POT1: variants seen among roughly 807,000 people sequenced by gnomAD.
POT1 encodes protection of telomeres protein 1.
In POT1, 47 loss-of-function variants were observed where a neutral mutation model predicts 78.5. The ratio of observed to expected loss-of-function variants is 0.60; its 90% CI spans 0.47 to 0.76. The LOEUF (loss-of-function observed/expected upper bound fraction) is 0.76, where lower values mean the gene tolerates loss of function less well. POT1 is among the 30% of genes least tolerant of loss of function. POT1 has a pLI of 0.00. For missense variants in POT1, 646 were observed against 749.9 expected (o/e 0.86, Z 1.62); for synonymous variants, 259 against 260.7 (o/e 0.99, Z 0.06).
rs2116422065 is a variant in POT1, at chr7:124,829,284, T to C, written c.1564A>G (p.Thr522Ala). 7 of 1,606,036 alleles carry C rather than the reference T, an allele frequency of 4.4e-6. No homozygotes were observed. The highest frequency in any genetic ancestry group is 6.0e-6 in the Non-Finnish European group (7 of 1,172,860). ...IQNLNSLVDKTSWIPSSVAEA... is the reference protein window; with the variant it reads ...IQNLNSLVDKASWIPSSVAEA... ...GCCACAGAAGAAGGAATCCACGATG[T>C]TTTATCAACCAGGGAATTTAGATTT... The change falls in exon 16 of 19, where the codon ACA becomes GCA. Residue 522 changes from threonine to alanine, a missense_variant. Thr to Ala is a moderately conservative substitution (Grantham distance 58). Around this residue, in one of 2 missense-constraint regions of POT1, gnomAD observed 394 missense variants for 408.4 expected, o/e 0.96. Transcript: ENST00000357628.
At chr7:124,902,018 GGACTATAAGAAAA>G (rs1796633572) in intron 3 of POT1, among the ~76,000 whole-genome samples, 1 of 152,022 alleles carries the variant, frequency 6.6e-6, no homozygotes, top group Admixed American at 6.6e-5. Context: ...AAGAAATATG[GGACTATAAGAAAA>G]GACCAAATCT....
intron 3 of POT1, among the ~76,000 whole-genome samples, chr7:124,909,316 AAAGC>A (rs1355152761): frequency 6.6e-6 from 1 of 151,924 alleles, no homozygotes. Context: ...TTAGTCTACC[AAAGC>A]AAGGATTAAA....
chr7:124,823,103 T>C lies in POT1; in HGVS notation c.*859A>G, dbSNP rs1794544442. 3.3e-5 allele frequency: 5 copies of C among 153,254 alleles called. No individual in the cohort carries two copies. In the South Asian group the frequency reaches 8.1e-4, roughly 25 times the overall value. 9.5% of individuals were successfully genotyped at this position (153,254 alleles called of 1,614,324 possible). The stretch of plus-strand genomic sequence containing the variant: ...AGCCTCAGATTTCTTATCGGAAAAA[T>C]AGGTTGCTGTGAGGATCAAATACAT... On this transcript the variant is annotated 3_prime_UTR_variant, in exon 19 of 19. Transcript: ENST00000357628.
rs189074328 is a variant in POT1 at position 124,895,759 on chromosome 7, G to T, written c.9+1406C>A. 1.1e-3 allele frequency among the ~76,000 whole-genome samples: 165 copies of T among 151,778 alleles called. 2 individuals carry two copies. Among genetic ancestry groups the T allele is most frequent in the Non-Finnish European group, 1.7e-3 (114 of 67,674 alleles). The stretch of plus-strand genomic sequence containing the variant: ...AGTACAGAAGTTGGGAATGAGATAA[G>T]CAACAGTGTTCCAAGCAGAGAAAAC... On this transcript the variant is annotated intron_variant, in intron 5 of 18. Coordinates refer to ENST00000357628, the MANE Select transcript of POT1 (RefSeq NM_015450.3).
chr7:124,863,322 A>G lies in POT1; in HGVS notation c.546+28T>C, dbSNP rs201236678. 289 of 1,587,444 alleles carry G rather than the reference A, an allele frequency of 1.8e-4. No individual in the cohort carries two copies. In the African/African-American group the frequency reaches 3.6e-3, roughly 20 times the overall value. On this transcript the variant is annotated intron_variant, in intron 8 of 18. Coordinates refer to ENST00000357628, the MANE Select transcript of POT1 (RefSeq NM_015450.3). ...ACAGACATGTAAGTGGTGCTAACTT[A>G]TAATTCCCAGTATTAAAAAATATGT...
chr7:124,843,089 G>A (rs1172329417), intron 12 of POT1, 126 bp from the exon 13 acceptor site: 2 of 691,420 alleles, frequency 2.9e-6, no homozygotes, highest in Non-Finnish European at 4.4e-6. Context: ...CTCCATGAAA[G>A]GAAGGGTTAT....
chr7:124,863,536 G>C lies in POT1; in HGVS notation c.360C>G (p.Ser120Arg). Reference protein sequence around the residue: ...LGAPIIPRTSSKYFNFTTEDH... With the variant: ...LGAPIIPRTSRKYFNFTTEDH... ...CCTCAGTAGTGAAGTTAAAATACTT[G>C]CTTGAAGTGCGAGGTATGATAGGGG... is the stretch of plus-strand genomic sequence containing the variant. Residue 120 changes from serine to arginine, a missense_variant, in exon 8 of 19, where the codon AGC becomes AGG. This residue lies in a region of POT1 where 252 missense variants were observed against 341.4 expected (regional missense o/e 0.74). Transcript: ENST00000357628. 6.2e-7 allele frequency: 1 copy of C among 1,613,886 alleles called. No individual in the cohort carries two copies. Among genetic ancestry groups the C allele is most frequent in the South Asian group, 1.1e-5 (1 of 91,076 alleles).
chr7:124,927,377 T>C (rs1797299392), intron 2 of POT1, among the ~76,000 whole-genome samples: 1 of 152,174 alleles, frequency 6.6e-6, no homozygotes, highest in Admixed American at 6.5e-5. Context: ...TATTAGACCT[T>C]GAATAAATCA....
At chr7:124,901,265 A>C (rs1584513551) in intron 3 of POT1, among the ~76,000 whole-genome samples, 1 of 152,276 alleles carries the variant, frequency 6.6e-6, no homozygotes. Flanking sequence ...GCCAACTGAC[A>C]CCTCACACAG....
At chr7:124,829,901 A>T (rs1167029371) in intron 15 of POT1, among the ~76,000 whole-genome samples, 2 of 151,918 alleles carry the variant, frequency 1.3e-5, no homozygotes, top group Non-Finnish European at 2.9e-5. Context: ...GTCTTGCCAC[A>T]ATGCCCAGGC....
intron 9 of POT1, among the ~76,000 whole-genome samples, chr7:124,855,665 A>G (rs1795430173): frequency 1.3e-5 from 2 of 151,868 alleles, no homozygotes; most frequent in Non-Finnish European, 2.9e-5. Context: ...AATACTAAAA[A>G]AAAACTAGAA....
chr7:124,893,039 CT>C (rs1252261122), intron 5 of POT1, among the ~76,000 whole-genome samples: 1 of 150,188 alleles, frequency 6.7e-6, no homozygotes, highest in Admixed American at 6.7e-5. Context: ...GTTTAGAAAA[CT>C]TTTTTTTTAA....
intron 2 of POT1, among the ~76,000 whole-genome samples, chr7:124,926,442 T>C (rs1797275989): frequency 1.3e-5 from 2 of 152,008 alleles, no homozygotes; most frequent in African/African-American, 4.8e-5. Flanking sequence ...AAAACAGACA[T>C]TGGGGTGCAA....
At chr7:124,853,807 C>T (rs2116508046) in intron 9 of POT1, among the ~76,000 whole-genome samples, 1 of 152,110 alleles carries the variant, frequency 6.6e-6, no homozygotes, top group South Asian at 2.1e-4. Context: ...CTACAAATGT[C>T]TTTAATTATA....
At chr7:124,873,700 A>G (rs1269136587) in intron 6 of POT1, among the ~76,000 whole-genome samples, 7 of 152,148 alleles carry the variant, frequency 4.6e-5, no homozygotes, top group African/African-American at 1.7e-4. Context: ...GTTTGATACA[A>G]TTTGATGCTG....
intron 11 of POT1, among the ~76,000 whole-genome samples, chr7:124,850,793 C>T (rs1285240525): frequency 6.6e-6 from 1 of 151,812 alleles, no homozygotes; most frequent in Non-Finnish European, 1.5e-5. Context: ...CCTGCAGGCA[C>T]TTACATGCCT....
At chr7:124,874,695 A>G (rs1795947392) in intron 6 of POT1, among the ~76,000 whole-genome samples, 1 of 151,280 alleles carries the variant, frequency 6.6e-6, no homozygotes, top group South Asian at 2.1e-4. Flanking sequence ...AGATCATGCC[A>G]CTGCACTCCA....
intron 5 of POT1, among the ~76,000 whole-genome samples, chr7:124,893,460 A>G (rs1402346462): frequency 2.6e-5 from 4 of 151,532 alleles, no homozygotes; most frequent in African/African-American, 7.2e-5. Flanking sequence ...CTTATTGAGA[A>G]GTTGAAATCA....
At chr7:124,854,800 A>C (rs1041613584) in intron 9 of POT1, among the ~76,000 whole-genome samples, 12 of 151,612 alleles carry the variant, frequency 7.9e-5, no homozygotes, top group African/African-American at 2.9e-4. Flanking sequence ...AAAACATAAA[A>C]TTTTCTAGTT....
Sources: allele counts gnomAD v4.1 joint callset (sites outside exome capture counted in the v4.1 genomes callset), GRCh38; gene constraint gnomAD v4.1.1; regional missense constraint gnomAD v4.1.1; transcripts MANE v1.5; gene names NCBI Gene and HGNC (gene_info 2026-07-23, HGNC 2026-07-21).